KCND2: variants seen among roughly 807,000 people sequenced by gnomAD.
The protein encoded by KCND2 is potassium voltage-gated channel subfamily D member 2.
KCND2 carries 16 observed loss-of-function variants against 54.4 expected under a neutral mutation model. That is an observed-to-expected ratio of 0.29 (90% confidence interval 0.20 to 0.45). KCND2 has a LOEUF of 0.45. KCND2 is among the 20% of genes least tolerant of loss of function. The pLI is 1.00. For missense variants in KCND2, 486 were observed against 824.2 expected (o/e 0.59, Z 5.02); for synonymous variants, 317 against 310.7 (o/e 1.02, Z -0.21).
intron 1 of KCND2, among the ~76,000 whole-genome samples, chr7:120,710,522 T>C (rs544330910): frequency 6.6e-6 from 1 of 152,290 alleles, no homozygotes; most frequent in Non-Finnish European, 1.5e-5. Flanking sequence ...GTCAATATCT[T>C]CACTGTCCTT....
chr7:120,692,092 G>A (rs1240785162), intron 1 of KCND2, among the ~76,000 whole-genome samples: 1 of 152,188 alleles, frequency 6.6e-6, no homozygotes, highest in Admixed American at 6.5e-5. Context: ...AGAATGAAAG[G>A]AGATGCATCA....
At chr7:120,562,354 G>T (rs1792246540) in intron 1 of KCND2, among the ~76,000 whole-genome samples, 1 of 152,158 alleles carries the variant, frequency 6.6e-6, no homozygotes, top group Non-Finnish European at 1.5e-5. Context: ...ATGTTTCACG[G>T]TATTGACTTT....
At chr7:120,508,907 G>A (rs200221247) in intron 1 of KCND2, among the ~76,000 whole-genome samples, 2 of 85,608 alleles carry the variant, frequency 2.3e-5, no homozygotes, top group Non-Finnish European at 3.8e-5. Context: ...TTTTTTTTTG[G>A]ACATCCTTTT....
intron 1 of KCND2, among the ~76,000 whole-genome samples, chr7:120,610,657 A>G (rs1009906859): frequency 6.6e-6 from 1 of 152,112 alleles, no homozygotes; most frequent in African/African-American, 2.4e-5. Context: ...CTTCCCCCAA[A>G]TAAACACGAG....
chr7:120,484,250 A>G (rs58738977), intron 1 of KCND2, among the ~76,000 whole-genome samples: 34,366 of 151,890 alleles, frequency 0.23, 4,992 homozygotes, highest in East Asian at 0.49. Context: ...TCAACTAATC[A>G]TAAGTTTTTA....
At chr7:120,407,086 C>T (rs542005767) in intron 1 of KCND2, among the ~76,000 whole-genome samples, 13 of 151,308 alleles carry the variant, frequency 8.6e-5, no homozygotes, top group African/African-American at 2.7e-4. Context: ...TATAATACAC[C>T]TTCATGGCGC....
At chr7:120,680,147 T>G (rs927669933) in intron 1 of KCND2, among the ~76,000 whole-genome samples, 3 of 152,090 alleles carry the variant, frequency 2.0e-5, no homozygotes, top group Admixed American at 1.3e-4. Flanking sequence ...TACCAGAAAT[T>G]TTTATAGCCC....
chr7:120,494,144 A>C (rs571615308), intron 1 of KCND2, among the ~76,000 whole-genome samples: 5 of 152,250 alleles, frequency 3.3e-5, no homozygotes, highest in African/African-American at 1.2e-4. Flanking sequence ...ATAATAAGTA[A>C]AGCAAAGCTT....
At chr7:120,364,316 G>C (rs970863985) in intron 1 of KCND2, among the ~76,000 whole-genome samples, 2 of 152,164 alleles carry the variant, frequency 1.3e-5, no homozygotes, top group Admixed American at 1.3e-4. Context: ...CAGAAAGAAG[G>C]CTGGTTTAGT....
At chr7:120,744,931 G>GT (rs1436959663) in intron 4 of KCND2, among the ~76,000 whole-genome samples, 1 of 152,052 alleles carries the variant, frequency 6.6e-6, no homozygotes, top group African/African-American at 2.4e-5. Context: ...ATTTCAGGAG[G>GT]TTTTTTGTCA....
At chr7:120,480,261 C>T (rs192236257) in intron 1 of KCND2, among the ~76,000 whole-genome samples, 9 of 152,004 alleles carry the variant, frequency 5.9e-5, no homozygotes, top group South Asian at 2.1e-4. Context: ...CCCCTCTTAA[C>T]GGAGAAGTAG....
intron 1 of KCND2, among the ~76,000 whole-genome samples, chr7:120,529,252 G>A (rs780794600): frequency 2.6e-5 from 4 of 152,122 alleles, no homozygotes; most frequent in Admixed American, 2.6e-4. Flanking sequence ...TGAAGTTTGT[G>A]CTTAAATGAA....
At chr7:120,645,892 C>G (rs1331909795) in intron 1 of KCND2, among the ~76,000 whole-genome samples, 2 of 152,178 alleles carry the variant, frequency 1.3e-5, no homozygotes, top group Non-Finnish European at 2.9e-5. Flanking sequence ...AAGACATGAA[C>G]TCAGTGGACA....
At chr7:120,460,004 A>C (rs528526846) in intron 1 of KCND2, among the ~76,000 whole-genome samples, 1 of 152,098 alleles carries the variant, frequency 6.6e-6, no homozygotes, top group Non-Finnish European at 1.5e-5. Flanking sequence ...TTTTTTTCCT[A>C]CTAATGATTC....
intron 1 of KCND2, among the ~76,000 whole-genome samples, chr7:120,666,400 T>C (rs1791927516): frequency 6.6e-6 from 1 of 151,782 alleles, no homozygotes; most frequent in African/African-American, 2.4e-5. Flanking sequence ...CTAAAGATAA[T>C]AAGGTAAAAG....
rs568164093 is a variant in KCND2, at chr7:120,693,496, T to C, written c.1116-39407T>C. Among the ~76,000 whole-genome samples, 56 of 151,890 alleles carry C rather than the reference T, an allele frequency of 3.7e-4. No individual in the cohort carries two copies. In the South Asian group the frequency reaches 0.01, roughly 27 times the overall value. ...ATTTTTATTTTTAAAAATAAAAATATTTTTAAATGGATAATGAAAAAAAAT... is the reference window on the plus strand; with the variant it reads ...ATTTTTATTTTTAAAAATAAAAATACTTTTAAATGGATAATGAAAAAAAAT... On this transcript the variant is annotated intron_variant, in intron 1 of 5. Coordinates refer to ENST00000331113, the MANE Select transcript of KCND2 (RefSeq NM_012281.3).
chr7:120,485,075 A>G (rs1176732032), intron 1 of KCND2, among the ~76,000 whole-genome samples: 7 of 151,844 alleles, frequency 4.6e-5, no homozygotes, highest in African/African-American at 1.7e-4. Context: ...TTTAGTAGAG[A>G]TGGGGTCTTA....
intron 1 of KCND2, among the ~76,000 whole-genome samples, chr7:120,611,497 C>T (rs930797680): frequency 5.3e-5 from 8 of 151,894 alleles, no homozygotes; most frequent in African/African-American, 1.7e-4. Context: ...GTGGTTTTTG[C>T]GATTTTTATT....
chr7:120,344,809 A>G (rs1221727053), intron 1 of KCND2, among the ~76,000 whole-genome samples: 1 of 152,212 alleles, frequency 6.6e-6, no homozygotes, highest in African/African-American at 2.4e-5. Flanking sequence ...ACAAGACATG[A>G]CTTCAACATC....
Sources: gnomAD v4.1 joint callset for allele counts (sites outside exome capture counted in the v4.1 genomes callset) on GRCh38, gnomAD v4.1.1 for gene constraint, MANE v1.5 for transcripts, NCBI Gene and HGNC (gene_info 2026-07-23, HGNC 2026-07-21) for gene names.